CNTNAP2: variants seen among roughly 807,000 people sequenced by gnomAD.
CNTNAP2 encodes the protein contactin associated protein 2.
A neutral mutation model predicts 155.2 loss-of-function variants in CNTNAP2; 98 were observed. That is an observed-to-expected ratio of 0.63 (90% CI 0.54 to 0.75). CNTNAP2 has a LOEUF of 0.75. CNTNAP2 is among the 30% of genes least tolerant of loss of function. The pLI is 0.00. For synonymous variants in CNTNAP2, 651 were observed against 631.2 expected (o/e 1.03, Z -0.47); for missense variants, 1,727 against 1,688.1 (o/e 1.02, Z -0.40).
chr7:147,905,708 C>G (rs953721250), intron 14 of CNTNAP2, among the ~76,000 whole-genome samples: 3 of 152,156 alleles, frequency 2.0e-5, no homozygotes, highest in African/African-American at 7.2e-5. Context: ...CAAGGCAAAA[C>G]CCCGTCTCTA....
At chr7:146,807,379 T>TA (rs1260371344) in intron 2 of CNTNAP2, among the ~76,000 whole-genome samples, 1 of 152,152 alleles carries the variant, frequency 6.6e-6, no homozygotes, top group East Asian at 1.9e-4. Flanking sequence ...CTTTGTTACA[T>TA]ATTTAGATAG....
chr7:147,345,264 T>G (rs1221355860), intron 9 of CNTNAP2, among the ~76,000 whole-genome samples: 1 of 152,180 alleles, frequency 6.6e-6, no homozygotes, highest in East Asian at 1.9e-4. Context: ...TTATTTGTAC[T>G]CGTTTGACAG....
At chr7:146,440,692 A>G (rs368851253) in intron 1 of CNTNAP2, among the ~76,000 whole-genome samples, 7 of 151,626 alleles carry the variant, frequency 4.6e-5, no homozygotes, top group African/African-American at 1.5e-4. Flanking sequence ...AAGTTGGCTG[A>G]TGAGAGGTTA....
At chr7:148,169,768 T>C (rs1343858517) in intron 17 of CNTNAP2, among the ~76,000 whole-genome samples, 1 of 152,212 alleles carries the variant, frequency 6.6e-6, no homozygotes, top group African/African-American at 2.4e-5. Context: ...GAGACCAGCC[T>C]GGTTAACATG....
chr7:147,687,860 T>C (rs1045668803), intron 13 of CNTNAP2, among the ~76,000 whole-genome samples: 3 of 152,148 alleles, frequency 2.0e-5, no homozygotes, highest in African/African-American at 4.8e-5. Flanking sequence ...ATAACATCCA[T>C]ATTTACATAA....
chr7:147,790,357 C>A (rs545051552), intron 13 of CNTNAP2, among the ~76,000 whole-genome samples: 11 of 152,302 alleles, frequency 7.2e-5, no homozygotes, highest in African/African-American at 2.4e-4. Context: ...GCTTTGCTTA[C>A]TACTGTCTCC....
At chr7:147,738,309 A>G (rs772186874) in intron 13 of CNTNAP2, among the ~76,000 whole-genome samples, 7 of 152,098 alleles carry the variant, frequency 4.6e-5, no homozygotes, top group Non-Finnish European at 7.4e-5. Context: ...TCCAATTTTG[A>G]AAGAAGTTCT....
chr7:148,410,565 CAA>C (rs56258191), intron 23 of CNTNAP2, among the ~76,000 whole-genome samples: 17,947 of 112,426 alleles, frequency 0.16, 1,008 homozygotes, highest in East Asian at 0.31. Flanking sequence ...AGACCTTTCT[CAA>C]AAAAAAAAAA....
intron 18 of CNTNAP2, among the ~76,000 whole-genome samples, chr7:148,184,884 C>T (rs1400574988): frequency 6.6e-6 from 1 of 152,088 alleles, no homozygotes; most frequent in Non-Finnish European, 1.5e-5. Context: ...ATCAAATGAG[C>T]TGATGGATGT....
At chr7:148,057,236 GGTAGGAGGGTGCACAA>G (rs1446008722) in intron 15 of CNTNAP2, among the ~76,000 whole-genome samples, 107 of 152,250 alleles carry the variant, frequency 7.0e-4, no homozygotes, top group African/African-American at 2.3e-3. Flanking sequence ...CTAAGCGGTG[GGTAGGAGGGTGCACAA>G]GTAGCCAGGT....
intron 1 of CNTNAP2, among the ~76,000 whole-genome samples, chr7:146,374,967 C>G (rs1439827399): frequency 6.6e-6 from 1 of 152,094 alleles, no homozygotes; most frequent in Non-Finnish European, 1.5e-5. Flanking sequence ...ATATATTTCC[C>G]TGAAGAAAAT....
At chr7:146,343,675 A>G (rs13235449) in intron 1 of CNTNAP2, among the ~76,000 whole-genome samples, 31,975 of 152,122 alleles carry the variant, frequency 0.21, 4,241 homozygotes, top group Admixed American at 0.38. Context: ...TGACTGAATT[A>G]TAAATTGTGT....
At chr7:146,447,999 GTC>G (rs772842936) in intron 1 of CNTNAP2, among the ~76,000 whole-genome samples, 2 of 151,920 alleles carry the variant, frequency 1.3e-5, no homozygotes, top group Non-Finnish European at 2.9e-5. Context: ...TAATAAGAGA[GTC>G]TCTAAGAGCT....
chr7:147,746,616 G>A (rs1269764065), intron 13 of CNTNAP2, among the ~76,000 whole-genome samples: 3 of 152,054 alleles, frequency 2.0e-5, no homozygotes, highest in Non-Finnish European at 4.4e-5. Flanking sequence ...CTTCCCTGGG[G>A]AAGCTTTCTT....
At chr7:146,246,463 G>T (rs10237107) in intron 1 of CNTNAP2, among the ~76,000 whole-genome samples, 8,846 of 147,334 alleles carry the variant, frequency 0.06, 898 homozygotes, top group African/African-American at 0.17. Context: ...AAGCCTGGCC[G>T]TCAATACCCA....
intron 1 of CNTNAP2, among the ~76,000 whole-genome samples, chr7:146,327,304 GTA>G (rs1236627790): frequency 3.3e-5 from 5 of 152,122 alleles, no homozygotes; most frequent in Non-Finnish European, 7.3e-5. Flanking sequence ...ATAACTGTTT[GTA>G]TACAATGAAG....
intron 14 of CNTNAP2, among the ~76,000 whole-genome samples, chr7:147,957,784 G>A (rs1801044940): frequency 6.6e-6 from 1 of 152,134 alleles, no homozygotes; most frequent in Non-Finnish European, 1.5e-5. Context: ...ATATAAAGAA[G>A]AAATATAGGG....
At chr7:147,504,657 G>C (rs1798875606) in intron 11 of CNTNAP2, among the ~76,000 whole-genome samples, 1 of 148,208 alleles carries the variant, frequency 6.7e-6, no homozygotes. Flanking sequence ...CCACGGCTTG[G>C]GGTCCTGGGC....
chr7:148,054,254 G>A (rs542307486), intron 15 of CNTNAP2, among the ~76,000 whole-genome samples: 8 of 152,106 alleles, frequency 5.3e-5, no homozygotes, highest in Non-Finnish European at 8.8e-5. Context: ...TTACAGGCGT[G>A]AGCCACTGCG....
Sources: gnomAD v4.1 joint callset for allele counts (sites outside exome capture counted in the v4.1 genomes callset) on GRCh38, gnomAD v4.1.1 for gene constraint, MANE v1.5 for transcripts, NCBI Gene and HGNC (gene_info 2026-07-23, HGNC 2026-07-21) for gene names.